OSBPL3: variants seen among roughly 807,000 people sequenced by gnomAD.
The protein encoded by OSBPL3 is oxysterol binding protein like 3.
OSBPL3 carries 65 observed loss-of-function variants against 120.1 expected under a neutral mutation model. The observed-to-expected ratio is 0.54, with a 90% CI of 0.44 to 0.67. The LOEUF (loss-of-function observed/expected upper bound fraction) is 0.67, where lower values mean the gene tolerates loss of function less well. Ranked by LOEUF, OSBPL3 falls within the 30% of genes least tolerant of loss-of-function variation. OSBPL3 has a pLI of 0.00. For synonymous variants in OSBPL3, 416 were observed against 402.6 expected, an observed-to-expected ratio of 1.03 and a Z score of -0.40; for missense variants, 1,004 against 1,082.1, an observed-to-expected ratio of 0.93 and a Z score of 1.01.
Position 24,861,886 on chromosome 7 carries a change from T to A in OSBPL3, c.871-117A>T. On this transcript the variant is annotated intron_variant, in intron 9 of 22. Coordinates refer to ENST00000313367, the MANE Select transcript of OSBPL3 (RefSeq NM_015550.4). Reference sequence around the variant, plus strand: ...TACAAAACATTTTATAGGTAGGTCTTTTTTTTTTTTTTTTGGGGGGGATGG... The same window carrying A: ...TACAAAACATTTTATAGGTAGGTCTATTTTTTTTTTTTTTGGGGGGGATGG... 1.0e-4 allele frequency: 16 copies of A among 160,124 alleles called. No homozygotes were observed. In the East Asian group the frequency reaches 2.3e-3, roughly 23 times the overall value. The allele number at this position is 160,124 out of a possible 1,614,324, so 9.9% of individuals were successfully genotyped here. A position where few individuals can be genotyped will look rare whatever the true frequency, so the allele number is the denominator to read the frequency against.
rs1453729818 is a variant in OSBPL3 at position 24,877,939 on chromosome 7, G to A, written c.97-5870C>T. Among the ~76,000 whole-genome samples, 2 of 152,196 alleles carry A rather than the reference G, an allele frequency of 1.3e-5. No homozygotes were observed. Among genetic ancestry groups the A allele is most frequent in the South Asian group, 4.1e-4 (2 of 4,828 alleles). ...AGCTTAAAGGTCACCATGAATACCA[G>A]GTGGAGAGAGAAACATGGGAGGGGT... is the stretch of plus-strand genomic sequence containing the variant. On this transcript the variant is annotated intron_variant, in intron 2 of 22. Transcript: ENST00000313367. The surrounding 1 kb of genome is among the most constrained non-coding windows in gnomAD (Gnocchi z 4.8).
rs913257362 is a variant in OSBPL3, at chr7:24,802,443, C to T, written c.2567+1872G>A. ...ATACTATGATCATTTTACAGACAGTCAAAAAGAAAAAGAGCAATGGCCGCC... is the reference window on the plus strand; with the variant it reads ...ATACTATGATCATTTTACAGACAGTTAAAAAGAAAAAGAGCAATGGCCGCC... On this transcript the variant is annotated intron_variant, in intron 22 of 22. Transcript: ENST00000313367. The surrounding 1 kb of genome is among the most constrained non-coding windows in gnomAD (Gnocchi z 4.1). Among the ~76,000 whole-genome samples, 70 of 152,292 alleles carry T rather than the reference C, an allele frequency of 4.6e-4. No individual in the cohort carries two copies. The highest frequency in any genetic ancestry group is 1.6e-3 in the African/African-American group (67 of 41,560).
At chr7:24,962,101 G>C (rs763019238) in intron 1 of OSBPL3, among the ~76,000 whole-genome samples, 2 of 151,756 alleles carry the variant, frequency 1.3e-5, no homozygotes, top group African/African-American at 4.8e-5. Context: ...TCAGGAGTTC[G>C]AGACCAGCCT....
chr7:24,880,666 C>G (rs572127385), intron 2 of OSBPL3, among the ~76,000 whole-genome samples: 2 of 152,134 alleles, frequency 1.3e-5, no homozygotes, highest in Non-Finnish European at 2.9e-5. Flanking sequence ...CCAGCTCTTT[C>G]ATTTAGAGAT....
Position 24,827,826 on chromosome 7 carries a change from GCTGC to G in OSBPL3, c.1884+2938_1884+2941del, listed in dbSNP as rs1269845193. Among the ~76,000 whole-genome samples, 1 of 152,120 alleles carries G rather than the reference GCTGC, an allele frequency of 6.6e-6. No homozygotes were observed. Among genetic ancestry groups the G allele is most frequent in the Admixed American group, 6.5e-5 (1 of 15,278 alleles). ...GTGAAGCCAGCTGTGAGAACTCCTG[GCTGC>G]CTGACAGCCATTTTCTGTCAGAGAC... On this transcript the variant is annotated intron_variant, in intron 16 of 22. Transcript: ENST00000313367. The surrounding 1 kb of genome is among the most constrained non-coding windows in gnomAD (Gnocchi z 5.1).
intron 1 of OSBPL3, among the ~76,000 whole-genome samples, chr7:24,945,660 A>T (rs1020006466): frequency 1.3e-5 from 2 of 152,238 alleles, no homozygotes; most frequent in Admixed American, 1.3e-4. Context: ...AAGTACACGT[A>T]AGACCCTGAA....
intron 13 of OSBPL3, 107 bp downstream of exon 13, chr7:24,842,172 G>C (rs1462837725): frequency 8.7e-7 from 1 of 1,154,336 alleles, no homozygotes; most frequent in African/African-American, 1.6e-5. Flanking sequence ...GACTACAAAG[G>C]GCAACTGAGT....
At chr7:24,843,550 C>T (rs1256642516) in intron 12 of OSBPL3, among the ~76,000 whole-genome samples, 1 of 152,124 alleles carries the variant, frequency 6.6e-6, no homozygotes, top group Non-Finnish European at 1.5e-5. Context: ...ACAGGAGGGC[C>T]ACAGCAGATT....
chr7:24,940,954 G>A lies in OSBPL3; in HGVS notation c.-150+38932C>T, dbSNP rs1436845391. Among the ~76,000 whole-genome samples the A allele has an allele frequency of 1.3e-5, 2 of 151,892 alleles. No homozygotes were observed. Among genetic ancestry groups the A allele is most frequent in the Non-Finnish European group, 2.9e-5 (2 of 67,990 alleles). ...CCTGCCCCAGCCTCCCAAGTAGCTGGGACTACAGGCTCCTGCCACTGCGTC... is the reference window on the plus strand; with the variant it reads ...CCTGCCCCAGCCTCCCAAGTAGCTGAGACTACAGGCTCCTGCCACTGCGTC... On this transcript the variant is annotated intron_variant, in intron 1 of 22. Transcript: ENST00000313367. The surrounding 1 kb of genome is among the most constrained non-coding windows in gnomAD (Gnocchi z 4.4).
Position 24,940,818 on chromosome 7 carries a change from C to CT in OSBPL3, c.-150+39067dup, listed in dbSNP as rs113229664. Among the ~76,000 whole-genome samples, 7,696 of 144,914 alleles carry CT rather than the reference C, an allele frequency of 0.053. 472 individuals carry two copies. The highest frequency in any genetic ancestry group is 0.28 in the East Asian group (1,379 of 4,936). On this transcript the variant is annotated intron_variant, in intron 1 of 22. Transcript: ENST00000313367. The surrounding 1 kb of genome is among the most constrained non-coding windows in gnomAD (Gnocchi z 4.4). ...TTCTTAACATTTCTTCCTTTTTTTT[C>CT]TTTTTTTTTTTGTGTGTGTGTGACG...
At chr7:24,848,902 C>T (rs1007228170) in intron 12 of OSBPL3, among the ~76,000 whole-genome samples, 167 bp downstream of exon 12, 1 of 152,166 alleles carries the variant, frequency 6.6e-6, no homozygotes, top group African/African-American at 2.4e-5. Context: ...AGCGTTTGAG[C>T]CCGAGACCCC....
chr7:24,870,114 T>C (rs1304632732), intron 5 of OSBPL3, among the ~76,000 whole-genome samples: 1 of 152,226 alleles, frequency 6.6e-6, no homozygotes, highest in African/African-American at 2.4e-5. Flanking sequence ...CTTTCAGAGA[T>C]TAACTTGCCA....
intron 12 of OSBPL3, among the ~76,000 whole-genome samples, chr7:24,848,178 T>G (rs1798672886): frequency 6.6e-6 from 1 of 152,050 alleles, no homozygotes; most frequent in South Asian, 2.1e-4. Flanking sequence ...TCCCAAGGAG[T>G]GAAGGTGTGT....
rs918498464 is a variant in OSBPL3, at chr7:24,967,390, C to T, written c.-150+12496G>A. The stretch of plus-strand genomic sequence containing the variant: ...CCTCTACCTGAAATGTCCTTCTCTC[C>T]CATTTCTCTACCTTTTGAAATTGTA... On this transcript the variant is annotated intron_variant, in intron 1 of 22. Coordinates refer to ENST00000313367, the MANE Select transcript of OSBPL3 (RefSeq NM_015550.4). The surrounding 1 kb of genome is among the most constrained non-coding windows in gnomAD (Gnocchi z 5.6). 6.6e-6 allele frequency among the ~76,000 whole-genome samples: 1 copy of T among 152,140 alleles called. No homozygotes were observed. Among genetic ancestry groups the T allele is most frequent in the Admixed American group, 6.5e-5 (1 of 15,276 alleles).
chr7:24,842,442 T>C (rs759267599), intron 12 of OSBPL3, 29 bp from the exon 13 acceptor site: 21 of 1,541,352 alleles, frequency 1.4e-5, no homozygotes, highest in South Asian at 2.4e-5. Context: ...CAAAAATGTA[T>C]ACATTTAAAA....
At chr7:24,971,125 C>T (rs1280282462) in intron 1 of OSBPL3, among the ~76,000 whole-genome samples, 1 of 152,238 alleles carries the variant, frequency 6.6e-6, no homozygotes, top group Admixed American at 6.5e-5. Flanking sequence ...GGAACTACAT[C>T]CATCCTCTGA....
Position 24,900,080 on chromosome 7 carries a change from G to A in OSBPL3, c.-149-7459C>T, listed in dbSNP as rs1219542741. ...GTAGTCCTGTGGTTTTTAAAGAGGG[G>A]CCCTAAGACTTGCAGCATCATTATC... On this transcript the variant is annotated intron_variant, in intron 1 of 22. Coordinates refer to ENST00000313367, the MANE Select transcript of OSBPL3 (RefSeq NM_015550.4). This position sits in a 1 kb window ranked among gnomAD's most constrained non-coding sequence, Gnocchi z 4.5. Among the ~76,000 whole-genome samples the A allele has an allele frequency of 6.6e-6, 1 of 152,132 alleles. No homozygotes were observed. The highest frequency in any genetic ancestry group is 1.5e-5 in the Non-Finnish European group (1 of 68,026).
rs1373026372 is a variant in OSBPL3, at chr7:24,968,291, C to T, written c.-150+11595G>A. On this transcript the variant is annotated intron_variant, in intron 1 of 22. Coordinates refer to ENST00000313367, the MANE Select transcript of OSBPL3 (RefSeq NM_015550.4). The surrounding 1 kb of genome is among the most constrained non-coding windows in gnomAD (Gnocchi z 4.6). ...CTGATTTCCATGGTGTAAATACTCC[C>T]ACTGTGGCTGGCTTCAAACTACCAA... Among the ~76,000 whole-genome samples, 1 of 152,224 alleles carries T rather than the reference C, an allele frequency of 6.6e-6. No individual in the cohort carries two copies.
chr7:24,912,979 A>G lies in OSBPL3; in HGVS notation c.-149-20358T>C, dbSNP rs991170047. On this transcript the variant is annotated intron_variant, in intron 1 of 22. Coordinates refer to ENST00000313367, the MANE Select transcript of OSBPL3 (RefSeq NM_015550.4). The surrounding 1 kb of genome is among the most constrained non-coding windows in gnomAD (Gnocchi z 4.5). ...TGTGAGTAAGCTCAAGCTAGCCAACATGGAAAGAACACATGGAGAGATCCA... is the reference window on the plus strand; with the variant it reads ...TGTGAGTAAGCTCAAGCTAGCCAACGTGGAAAGAACACATGGAGAGATCCA... 5.9e-5 allele frequency among the ~76,000 whole-genome samples: 9 copies of G among 152,244 alleles called. No homozygotes were observed. The highest frequency in any genetic ancestry group is 2.0e-4 in the Admixed American group (3 of 15,290).
Sources: gnomAD v4.1 joint callset for allele counts (sites outside exome capture counted in the v4.1 genomes callset) on GRCh38, gnomAD v4.1.1 for gene constraint, Gnocchi (gnomAD v3.1) non-coding constraint, MANE v1.5 for transcripts, NCBI Gene and HGNC (gene_info 2026-07-23, HGNC 2026-07-21) for gene names.